B3GALT1: variants seen among roughly 807,000 people sequenced by gnomAD.
B3GALT1 encodes the protein UDP-Gal:betaGlcNAc beta 1,3-galactosyltransferase, polypeptide 1.
In B3GALT1, 10 loss-of-function variants were observed where a neutral mutation model predicts 23.2. That is an observed-to-expected ratio of 0.43 (90% CI 0.27 to 0.73). The LOEUF (loss-of-function observed/expected upper bound fraction) is 0.73. Among genes scored for constraint, B3GALT1 ranks in the 30% least tolerant of loss-of-function variants. The pLI, the probability that B3GALT1 is intolerant of heterozygous loss-of-function variation, is 0.21. For synonymous variants in B3GALT1, 156 were observed against 141.5 expected (o/e 1.10, Z -0.73); for missense variants, 299 against 405.4 (o/e 0.74, Z 2.25).
intron 1 of B3GALT1, among the ~76,000 whole-genome samples, chr2:167,361,006 TC>T (rs1417673639): frequency 2.6e-5 from 4 of 152,198 alleles, no homozygotes; most frequent in Non-Finnish European, 5.9e-5. Flanking sequence ...GGCTTCTAGT[TC>T]CAAGCATATT....
intron 3 of B3GALT1, among the ~76,000 whole-genome samples, chr2:167,803,446 G>A (rs183521557): frequency 6.6e-6 from 1 of 152,250 alleles, no homozygotes; most frequent in Non-Finnish European, 1.5e-5. Flanking sequence ...TATAGTGTGG[G>A]CATATGTGGA....
chr2:167,782,352 G>A (rs753695189), intron 3 of B3GALT1, among the ~76,000 whole-genome samples: 10 of 152,104 alleles, frequency 6.6e-5, no homozygotes, highest in East Asian at 3.9e-4. Flanking sequence ...GAGGGTTGTC[G>A]AAAAGGACCC....
At chr2:167,538,345 A>C (rs1444483536) in intron 2 of B3GALT1, among the ~76,000 whole-genome samples, 1 of 152,222 alleles carries the variant, frequency 6.6e-6, no homozygotes, top group African/African-American at 2.4e-5. Flanking sequence ...TATGCTTTTA[A>C]AGTATGTATC....
At chr2:167,527,728 A>G (rs16853707) in intron 2 of B3GALT1, among the ~76,000 whole-genome samples, 5,925 of 152,240 alleles carry the variant, frequency 0.039, 217 homozygotes, top group African/African-American at 0.098. Flanking sequence ...ATCTTATACA[A>G]TCCCTCTAAA....
At chr2:167,796,344 C>T (rs1487768504) in intron 3 of B3GALT1, among the ~76,000 whole-genome samples, 1 of 152,200 alleles carries the variant, frequency 6.6e-6, no homozygotes, top group Non-Finnish European at 1.5e-5. Flanking sequence ...ATTATCTCTT[C>T]TGCCTTATAT....
intron 2 of B3GALT1, among the ~76,000 whole-genome samples, chr2:167,645,790 C>T (rs1001600999): frequency 2.0e-5 from 3 of 151,898 alleles, no homozygotes; most frequent in Non-Finnish European, 4.4e-5. Flanking sequence ...AGGCTGGTCT[C>T]GAACTCCTGA....
intron 2 of B3GALT1, among the ~76,000 whole-genome samples, chr2:167,595,989 T>C (rs897117087): frequency 6.6e-6 from 1 of 152,216 alleles, no homozygotes; most frequent in Non-Finnish European, 1.5e-5. Flanking sequence ...CTAGGAGCCT[T>C]CCTAGAAGAG....
chr2:167,341,915 C>T (rs1259845295), intron 1 of B3GALT1, among the ~76,000 whole-genome samples: 1 of 152,162 alleles, frequency 6.6e-6, no homozygotes, highest in Non-Finnish European at 1.5e-5. Context: ...CCAATTTCTT[C>T]ACCTTATTAC....
intron 1 of B3GALT1, among the ~76,000 whole-genome samples, chr2:167,409,270 A>G (rs1195191177): frequency 4.6e-5 from 7 of 152,070 alleles, no homozygotes; most frequent in East Asian, 1.9e-4. Context: ...GGTGTTCTCT[A>G]TATTTCCTGA....
intron 1 of B3GALT1, among the ~76,000 whole-genome samples, chr2:167,351,761 G>C (rs1011634528): frequency 2.0e-5 from 3 of 151,934 alleles, no homozygotes; most frequent in African/African-American, 7.3e-5. Context: ...CTTACTTTTC[G>C]TGCCTCCCTC....
At chr2:167,801,288 A>G (rs1363270339) in intron 3 of B3GALT1, among the ~76,000 whole-genome samples, 1 of 152,228 alleles carries the variant, frequency 6.6e-6, no homozygotes, top group Non-Finnish European at 1.5e-5. Context: ...ATTCTCTCTG[A>G]ATGAATAAGA....
In B3GALT1 at chr2:167,543,612, G is replaced by C. The variant is rs1303574405; in HGVS notation, c.-410+53335G>C. Among the ~76,000 whole-genome samples the C allele has an allele frequency of 2.0e-5, 3 of 152,108 alleles. No individual in the cohort carries two copies. The East Asian group carries it at 5.8e-4, about 29-fold the overall frequency. The stretch of plus-strand genomic sequence containing the variant: ...TGTATATAATTTATGTAACTGGAAG[G>C]TTATTTACATTATAGAATAGTATGT... On this transcript the variant is annotated intron_variant, in intron 2 of 4. Coordinates refer to ENST00000392690, the MANE Select transcript of B3GALT1 (RefSeq NM_020981.4).
intron 1 of B3GALT1, among the ~76,000 whole-genome samples, chr2:167,448,268 C>T (rs1699033535): frequency 6.6e-6 from 1 of 152,110 alleles, no homozygotes; most frequent in South Asian, 2.1e-4. Flanking sequence ...CTTTTCACCA[C>T]ATCTATGCCG....
chr2:167,705,363 T>C (rs1025698473), intron 3 of B3GALT1, among the ~76,000 whole-genome samples: 1 of 152,226 alleles, frequency 6.6e-6, no homozygotes, highest in Non-Finnish European at 1.5e-5. Flanking sequence ...TGCAAAGCTA[T>C]TCATCATATT....
At position 167,810,407 on chromosome 2, in the gene B3GALT1, C is replaced by T. The variant is rs564088513; in HGVS notation, c.-351-8265C>T. On this transcript the variant is annotated intron_variant, in intron 3 of 4. Transcript: ENST00000392690. ...GCTGTAGAGTGGAGCTGTTCCTATT[C>T]GGCCATCTTGGCTCCACCCTTTGTT... is the stretch of plus-strand genomic sequence containing the variant. Among the ~76,000 whole-genome samples, 126 of 150,800 alleles carry T rather than the reference C, an allele frequency of 8.4e-4. 8 individuals are homozygous for T. Among genetic ancestry groups the T allele is most frequent in the African/African-American group, 3.0e-3 (120 of 40,210 alleles).
At chr2:167,809,317 T>C (rs1688829365) in intron 3 of B3GALT1, among the ~76,000 whole-genome samples, 1 of 152,238 alleles carries the variant, frequency 6.6e-6, no homozygotes, top group Non-Finnish European at 1.5e-5. Context: ...CTTTGTTCCA[T>C]TGCTGGTGAG....
chr2:167,771,873 C>T (rs1160178394), intron 3 of B3GALT1, among the ~76,000 whole-genome samples: 1 of 152,188 alleles, frequency 6.6e-6, no homozygotes, highest in Non-Finnish European at 1.5e-5. Flanking sequence ...CCTTCTCATG[C>T]ATATTGGCAT....
At chr2:167,676,268 A>G (rs1343559753) in intron 3 of B3GALT1, among the ~76,000 whole-genome samples, 2 of 152,018 alleles carry the variant, frequency 1.3e-5, no homozygotes, top group Non-Finnish European at 2.9e-5. Flanking sequence ...TTTATCCCAA[A>G]GGTTTTGTTT....
intron 1 of B3GALT1, among the ~76,000 whole-genome samples, chr2:167,462,343 A>G (rs1266785578): frequency 6.6e-6 from 1 of 152,346 alleles, no homozygotes; most frequent in Admixed American, 6.5e-5. Context: ...GGACTGTGCC[A>G]TAAAATTTGA....
Sources: gnomAD v4.1 joint callset for allele counts (sites outside exome capture counted in the v4.1 genomes callset) on GRCh38, gnomAD v4.1.1 for gene constraint, MANE v1.5 for transcripts, NCBI Gene and HGNC (gene_info 2026-07-23, HGNC 2026-07-21) for gene names.